The following RIC8A variants were observed in gnomAD, a reference collection of about 807,000 sequenced individuals.
The protein encoded by RIC8A is RIC8 guanine nucleotide exchange factor A.
RIC8A carries 37 observed loss-of-function variants against 48.4 expected under a neutral mutation model. The observed-to-expected ratio is 0.77, with a 90% CI of 0.59 to 1.01. The LOEUF (loss-of-function observed/expected upper bound fraction) is 1.01. RIC8A is among the 50% of genes least tolerant of loss of function. The pLI is 0.00. For missense variants in RIC8A, 681 were observed against 696.8 expected (o/e 0.98, Z 0.25); for synonymous variants, 288 against 283.4 (o/e 1.02, Z -0.16).
Position 208,738 on chromosome 11 carries a change from C to A in RIC8A, c.-117C>A. Reference sequence around the variant, plus strand: ...CCCGTTAAAGCGCCACCAGACGCCGCGCCCCGTCCCGGCCTCCCCCGCGCG... The same window carrying A: ...CCCGTTAAAGCGCCACCAGACGCCGAGCCCCGTCCCGGCCTCCCCCGCGCG... On this transcript the variant is annotated 5_prime_UTR_variant, in exon 1 of 10. Coordinates refer to ENST00000526104, the MANE Select transcript of RIC8A (RefSeq NM_001286134.2). This position sits in a 1 kb window ranked among gnomAD's most constrained non-coding sequence, Gnocchi z 4.8. 1.5e-6 allele frequency: 1 copy of A among 683,006 alleles called. No individual in the cohort carries two copies. Among genetic ancestry groups the A allele is most frequent in the Non-Finnish European group, 2.3e-6 (1 of 433,856 alleles). The allele number at this position is 683,006 out of a possible 1,614,324, so 42.3% of individuals were successfully genotyped here. A position where few individuals can be genotyped will look rare whatever the true frequency, so the allele number is the denominator to read the frequency against.
In RIC8A at chr11:210,006, CACTG is replaced by C. The variant is rs1222823457; in HGVS notation, c.726+9_726+12del. 2 of 1,575,546 alleles carry C rather than the reference CACTG, an allele frequency of 1.3e-6. No individual in the cohort carries two copies. Among genetic ancestry groups the C allele is most frequent in the Admixed American group, 3.4e-5 (2 of 58,934 alleles). ...TCAAGGGGGAGGTGGACGAGGTGAG[CACTG>C]ACCTTAACCCATGGATGGGTCTCAA... On this transcript the variant is annotated splice_region_variant and intron_variant, in intron 3 of 9. Transcript: ENST00000526104.
intron 1 of RIC8A, 120 bp downstream of exon 1, chr11:209,058 G>T: frequency 9.4e-7 from 1 of 1,060,362 alleles, no homozygotes; most frequent in Non-Finnish European, 1.4e-6. Flanking sequence ...GGGACGCGGC[G>T]GGGTGCGGGG....
At position 211,436 on chromosome 11, in the gene RIC8A, C is replaced by T. The variant is rs996272133; in HGVS notation, c.969+87C>T. ...ATGTGGTCAGTGCTTCCACACTGTC[C>T]ACACTGGTACGTGGAGATTGTCTTG... On this transcript the variant is annotated intron_variant, in intron 5 of 9. Transcript: ENST00000526104. The surrounding 1 kb of genome is among the most constrained non-coding windows in gnomAD (Gnocchi z 4.0). 6.6e-6 allele frequency: 9 copies of T among 1,362,704 alleles called. No individual in the cohort carries two copies. The highest frequency in any genetic ancestry group is 4.3e-5 in the African/African-American group (3 of 69,014). The allele number at this position is 1,362,704 out of a possible 1,614,324, so 84.4% of individuals were successfully genotyped here. A position where few individuals can be genotyped will look rare whatever the true frequency, so the allele number is the denominator to read the frequency against.
rs773013312 is a variant in RIC8A at position 211,380 on chromosome 11, C to T, written c.969+31C>T. 6.2e-7 allele frequency: 1 copy of T among 1,604,170 alleles called. No individual in the cohort carries two copies. Among genetic ancestry groups the T allele is most frequent in the African/African-American group, 1.3e-5 (1 of 74,910 alleles). On this transcript the variant is annotated intron_variant, in intron 5 of 9. Coordinates refer to ENST00000526104, the MANE Select transcript of RIC8A (RefSeq NM_001286134.2). The surrounding 1 kb of genome is among the most constrained non-coding windows in gnomAD (Gnocchi z 4.0). ...CTGGGGATGGCTGTGCAGGCTCCCC[C>T]AGTGGCTCTGGCACTGGTTCTCCTG...
rs1247710301 is a variant in RIC8A, at chr11:212,633, G to A, written c.1084G>A (p.Asp362Asn). 1 of 1,614,088 alleles carries A rather than the reference G, an allele frequency of 6.2e-7. No homozygotes were observed. Residue 362 changes from aspartate to asparagine, a missense_variant, in exon 7 of 10, where the codon GAT (aspartate) becomes AAT (asparagine). Asp to Asn is a conservative substitution (Grantham distance 23). Transcript: ENST00000526104. ...TCCCCAGGTGCTGCCCCCTCTGCGG[G>A]ATGTGAGGACACGGCCTGAGGTTGG... ...LKAQVLPPLR[D>N]VRTRPEVGEM...
chr11:208,204 C>CA lies in RIC8A; in HGVS notation c.-650dup, dbSNP rs1855233756. 1 of 152,522 alleles carries CA rather than the reference C, an allele frequency of 6.6e-6. No individual in the cohort carries two copies. The highest frequency in any genetic ancestry group is 1.5e-5 in the Non-Finnish European group (1 of 68,192). The allele number at this position is 152,522 out of a possible 1,614,324, so 9.4% of individuals were successfully genotyped here. On this transcript the variant is annotated 5_prime_UTR_variant, in exon 1 of 10. Coordinates refer to ENST00000526104, the MANE Select transcript of RIC8A (RefSeq NM_001286134.2). The surrounding 1 kb of genome is among the most constrained non-coding windows in gnomAD (Gnocchi z 4.8). The stretch of plus-strand genomic sequence containing the variant: ...CTCCTTCTGCCTGGAGTGGCTCCTC[C>CA]AGTCTTTTCCCGGCTCACTTCCCAC...
chr11:214,161 C>T (rs1050798158), intron 9 of RIC8A, 69 bp from the exon 10 acceptor site: 4 of 1,546,766 alleles, frequency 2.6e-6, no homozygotes, highest in Admixed American at 1.9e-5. Flanking sequence ...GTAGCAGCCA[C>T]GGGTGAGTAG....
intron 8 of RIC8A, 33 bp downstream of exon 8, chr11:213,014 C>A: frequency 3.3e-6 from 5 of 1,527,360 alleles, no homozygotes; most frequent in Admixed American, 2.2e-5. Flanking sequence ...CGGGTCTCCA[C>A]TCACAGCCCC....
chr11:210,058 C>A, intron 3 of RIC8A, 58 bp downstream of exon 3: 1 of 1,415,246 alleles, frequency 7.1e-7, no homozygotes, highest in Non-Finnish European at 9.5e-7. Flanking sequence ...ATTTCCTGGA[C>A]CTGCTTCCTA....
chr11:212,197 A>G (rs1855377011), intron 5 of RIC8A: 4 of 570,974 alleles, frequency 7.0e-6, no homozygotes, highest in Middle Eastern at 4.7e-4. Context: ...AGTACCTCTG[A>G]GTTACGCTCT....
Position 208,981 on chromosome 11 carries a change from GGGGCAGGGTCGTGCGCGGGTA to G in RIC8A, c.84+45_84+65del. Reference sequence around the variant, plus strand: ...GCCGGGGGGCGGGCACGGAGGGGGTGGGGCAGGGTCGTGCGCGGGTAGCAGGGAGGGCGTGGGTGAGGCAGA... The same window carrying G: ...GCCGGGGGGCGGGCACGGAGGGGGTGGCAGGGAGGGCGTGGGTGAGGCAGA... On this transcript the variant is annotated intron_variant, in intron 1 of 9. Transcript: ENST00000526104. The surrounding 1 kb of genome is among the most constrained non-coding windows in gnomAD (Gnocchi z 4.8). The G allele has an allele frequency of 1.4e-6, 2 of 1,407,172 alleles. No homozygotes were observed. The highest frequency in any genetic ancestry group is 2.0e-6 in the Non-Finnish European group (2 of 1,013,030). 87.2% of individuals were successfully genotyped at this position (1,407,172 alleles called of 1,614,324 possible). A position where few individuals can be genotyped will look rare whatever the true frequency, so the allele number is the denominator to read the frequency against.
chr11:209,864 A>C lies in RIC8A; in HGVS notation c.590A>C (p.Glu197Ala). The C allele has an allele frequency of 1.2e-6, 2 of 1,612,194 alleles. No homozygotes were observed. Among genetic ancestry groups the C allele is most frequent in the Non-Finnish European group, 1.7e-6 (2 of 1,179,880 alleles). Residue 197 changes from glutamate to alanine, a missense_variant, in exon 3 of 10, where the codon GAG (glutamate) becomes GCG (alanine). Glu to Ala is a moderately radical substitution (Grantham distance 107). Transcript: ENST00000526104. Reference protein sequence around the residue: ...KGVRLLTDTLELTLGVTPEGN... With the variant: ...KGVRLLTDTLALTLGVTPEGN... ...GTGCGCCTGCTAACTGACACACTGG[A>C]GCTGACGCTGGGGGTGACTCCTGAA...
chr11:209,359 G>C (rs777119221), intron 2 of RIC8A, 41 bp downstream of exon 2: 36 of 1,602,054 alleles, frequency 2.2e-5, no homozygotes, highest in Non-Finnish European at 2.8e-5. Flanking sequence ...GGGACGGGTG[G>C]CCCCAGGAAG....
Position 210,653 on chromosome 11 carries a change from A to T in RIC8A, c.809A>T (p.Glu270Val), listed in dbSNP as rs755923311. Residue 270 changes from glutamate to valine, a missense_variant, in exon 4 of 10, where the codon GAG (glutamate) becomes GTG (valine). By Grantham distance (121) the Glu-to-Val change is moderately radical. Coordinates refer to ENST00000526104, the MANE Select transcript of RIC8A (RefSeq NM_001286134.2). ...GCTACTGCTGGAGACCGCACAGAGG[A>T]GTTCCACGGGTGAGAATGGGGCTTT... ...MIATAGDRTE[E>V]FHGHAVNLLG... is the part of the protein sequence containing the mutation. The T allele has an allele frequency of 2.5e-6, 4 of 1,614,014 alleles. No homozygotes were observed. The highest frequency in any genetic ancestry group is 1.1e-5 in the South Asian group (1 of 91,066).
At position 208,641 on chromosome 11, in the gene RIC8A, G is replaced by T. The variant is rs755224386; in HGVS notation, c.-214G>T. The T allele has an allele frequency of 1.5e-5, 7 of 473,202 alleles. No individual in the cohort carries two copies. The highest frequency in any genetic ancestry group is 4.4e-5 in the Admixed American group (1 of 22,576). The allele number at this position is 473,202 out of a possible 1,614,324, so 29.3% of individuals were successfully genotyped here. ...TCAGAGCGACTCAGCCCCTCGACTC[G>T]GGTCTTAAAACCTCCGAGCCGCCAG... On this transcript the variant is annotated 5_prime_UTR_variant, in exon 1 of 10. Coordinates refer to ENST00000526104, the MANE Select transcript of RIC8A (RefSeq NM_001286134.2). The surrounding 1 kb of genome is among the most constrained non-coding windows in gnomAD (Gnocchi z 4.8).
At chr11:209,110 A>AC (rs1341770473) in intron 1 of RIC8A, 161 bp from the exon 2 acceptor site, 1 of 1,046,528 alleles carries the variant, frequency 9.6e-7, no homozygotes, top group Non-Finnish European at 1.5e-6. Flanking sequence ...GTGGGGGTGC[A>AC]CCCGTTGGGT....
Position 210,772 on chromosome 11 carries a change from G to C in RIC8A, c.818+110G>C, listed in dbSNP as rs558350664. The C allele has an allele frequency of 8.0e-6, 8 of 997,318 alleles. No homozygotes were observed. In the South Asian group the frequency reaches 1.1e-4, roughly 13 times the overall value. The allele number at this position is 997,318 out of a possible 1,614,324, so 61.8% of individuals were successfully genotyped here. On this transcript the variant is annotated intron_variant, in intron 4 of 9. Coordinates refer to ENST00000526104, the MANE Select transcript of RIC8A (RefSeq NM_001286134.2). ...CTGAGAGCCCAGGCCCCACCCTAGA[G>C]AGTCTGACGTTGTCTGGGTGAGTGA...
intron 3 of RIC8A, chr11:210,350 T>C (rs1279116305): frequency 1.1e-5 from 8 of 701,142 alleles, no homozygotes; most frequent in Non-Finnish European, 1.8e-5. Context: ...GAAGTGCTCT[T>C]AGAAGAATAC....
chr11:208,920 G>A lies in RIC8A; in HGVS notation c.66G>A (p.Leu22=), dbSNP rs1188548309. 1.9e-6 allele frequency: 3 copies of A among 1,610,552 alleles called. No homozygotes were observed. The highest frequency in any genetic ancestry group is 2.5e-6 in the Non-Finnish European group (3 of 1,179,048). Residue 22 remains leucine (L), a synonymous_variant, in exon 1 of 10, where the codon CTG becomes CTA. Coordinates refer to ENST00000526104, the MANE Select transcript of RIC8A (RefSeq NM_001286134.2). The surrounding 1 kb of genome is among the most constrained non-coding windows in gnomAD (Gnocchi z 4.8). ...TGEEDVIMEA[L]RSYNQEHSQS... is the part of the protein sequence containing the mutation. ...AGGAGGATGTGATTATGGAAGCTCT[G>A]CGGTCATACAACCAGGAGGTAAGCG...
Sources: allele counts gnomAD v4.1 joint callset, GRCh38; gene constraint gnomAD v4.1.1; non-coding constraint Gnocchi (gnomAD v3.1); transcripts MANE v1.5; gene names NCBI Gene and HGNC (gene_info 2026-07-23, HGNC 2026-07-21).